Variants in CEP76 observed in about 807,000 individuals in gnomAD.
The protein encoded by CEP76 is centrosomal protein 76, also known as centrosomal protein of 76 kDa.
Under a neutral mutation model 83.3 loss-of-function variants are expected in CEP76, and 55 were observed. The observed-to-expected ratio is 0.66, with a 90% CI of 0.53 to 0.83. The LOEUF (loss-of-function observed/expected upper bound fraction) is 0.83, where lower values mean the gene tolerates loss of function less well. CEP76 is among the 40% of genes least tolerant of loss of function. CEP76 has a pLI of 0.00. For missense variants in CEP76, 694 were observed against 799.5 expected (o/e 0.87, Z 1.59); for synonymous variants, 270 against 274.5 (o/e 0.98, Z 0.16).
At chr18:12,678,704 C>A (rs1329030890) in intron 9 of CEP76, among the ~76,000 whole-genome samples, 1 of 151,976 alleles carries the variant, frequency 6.6e-6, no homozygotes, top group African/African-American at 2.4e-5. Context: ...TGCGGTAGTC[C>A]CAGCACTTTG....
chr18:12,676,894 G>C (rs1460019615), intron 10 of CEP76, among the ~76,000 whole-genome samples: 1 of 152,140 alleles, frequency 6.6e-6, no homozygotes, highest in Non-Finnish European at 1.5e-5. Context: ...AAAGAACACA[G>C]AAAACAGGGC....
intron 5 of CEP76, 60 bp downstream of exon 5, chr18:12,697,163 T>C (rs1317887008): frequency 1.0e-5 from 12 of 1,200,282 alleles, no homozygotes; most frequent in Non-Finnish European, 1.4e-5. Context: ...AGATATAAAA[T>C]ATATTTACAA....
intron 7 of CEP76, 122 bp downstream of exon 7, chr18:12,691,234 TTTA>T (rs1403925166): frequency 4.9e-6 from 3 of 609,418 alleles, no homozygotes; most frequent in African/African-American, 3.8e-5. Context: ...AAATCAGCAT[TTTA>T]TTTTACAAAT....
At chr18:12,702,455 G>T in intron 1 of CEP76, 31 bp downstream of exon 1, 1 of 1,541,376 alleles carries the variant, frequency 6.5e-7, no homozygotes, top group Non-Finnish European at 8.9e-7. Context: ...GGGTCGGCCC[G>T]GCGGTCTCTC....
chr18:12,683,386 C>T (rs2039421322), intron 8 of CEP76, among the ~76,000 whole-genome samples: 1 of 150,384 alleles, frequency 6.6e-6, no homozygotes, highest in Non-Finnish European at 1.5e-5. Flanking sequence ...ACAACAAAAC[C>T]ACTGAATAAA....
intron 12 of CEP76, among the ~76,000 whole-genome samples, chr18:12,662,760 G>C (rs999203433): frequency 6.6e-5 from 10 of 152,182 alleles, no homozygotes; most frequent in African/African-American, 2.4e-4. Flanking sequence ...CTGGGCGATA[G>C]AGTGAGACCT....
At chr18:12,671,461 A>C (rs2038940264), downstream of CEP76, among the ~76,000 whole-genome samples, 1 of 152,122 alleles carries the variant, frequency 6.6e-6, no homozygotes, top group Non-Finnish European at 1.5e-5. Context: ...AACTTAAAAA[A>C]AATGAAAAGA....
chr18:12,679,511 T>A (rs1334659189), intron 9 of CEP76, among the ~76,000 whole-genome samples: 2 of 152,130 alleles, frequency 1.3e-5, no homozygotes, highest in African/African-American at 4.8e-5. Flanking sequence ...TAAATTCCAT[T>A]TTTCTCCCCC....
At chr18:12,675,546 C>T (rs1157287484) in intron 10 of CEP76, among the ~76,000 whole-genome samples, 1 of 152,114 alleles carries the variant, frequency 6.6e-6, no homozygotes, top group Non-Finnish European at 1.5e-5. Context: ...ATTTACTGAA[C>T]ATGTACTCTA....
intron 6 of CEP76, among the ~76,000 whole-genome samples, chr18:12,694,253 C>T (rs184651529): frequency 1.4e-4 from 22 of 152,276 alleles, no homozygotes; most frequent in African/African-American, 4.8e-4. Flanking sequence ...CAGGGCAGGA[C>T]ATTGTTTGCC....
intron 7 of CEP76, 34 bp from the exon 8 acceptor site, chr18:12,686,484 T>A (rs2039543990): frequency 7.0e-7 from 1 of 1,435,860 alleles, no homozygotes; most frequent in Non-Finnish European, 9.6e-7. Flanking sequence ...TGTAATGACA[T>A]ATTAATCATC....
At position 12,697,313 on chromosome 18, in the gene CEP76, T is replaced by G; in HGVS notation, c.616A>C (p.Thr206Pro). Residue 206 changes from threonine to proline, a missense_variant, in exon 5 of 12, where the codon ACT (threonine) becomes CCT (proline). Coordinates refer to ENST00000262127, the MANE Select transcript of CEP76 (RefSeq NM_024899.4). ...TCCAGAAAATATGATGCTACTAAAG[T>G]CGTCTCACCAAATATGTCTGTTTTG... is the stretch of plus-strand genomic sequence containing the variant. ...LIKTDIFGET[T>P]LVASYFLEWR... 1 of 1,613,990 alleles carries G rather than the reference T, an allele frequency of 6.2e-7. No homozygotes were observed. The highest frequency in any genetic ancestry group is 8.5e-7 in the Non-Finnish European group (1 of 1,179,884).
At chr18:12,685,326 T>G (rs990205493) in intron 8 of CEP76, 1 of 152,110 alleles carries the variant, frequency 6.6e-6, no homozygotes, top group Non-Finnish European at 1.5e-5. Context: ...AAAGATGTAT[T>G]ATCTGAGCAA....
intron 12 of CEP76, among the ~76,000 whole-genome samples, chr18:12,666,436 G>A (rs945702907): frequency 7.9e-6 from 1 of 126,624 alleles, no homozygotes; most frequent in Non-Finnish European, 1.7e-5. Context: ...AAATTTTATG[G>A]TTTTTTTTTT....
At chr18:12,662,195 A>AC in intron 12 of CEP76, 2 of 445,094 alleles carry the variant, frequency 4.5e-6, no homozygotes, top group South Asian at 3.3e-5. Flanking sequence ...AGAAAGGAAA[A>AC]AAAAAAAACA....
At position 12,702,672 on chromosome 18, in the gene CEP76, G is replaced by A; in HGVS notation, c.-124C>T. On this transcript the variant is annotated 5_prime_UTR_variant, in exon 1 of 12. Transcript: ENST00000262127. The stretch of plus-strand genomic sequence containing the variant: ...AAAGCGCCGCAGCCGTTCGCCTAGC[G>A]CAGCTCCCGGGGGACGCAACGCCGC... 9.0e-7 allele frequency: 1 copy of A among 1,113,918 alleles called. No individual in the cohort carries two copies. 69.0% of individuals were successfully genotyped at this position (1,113,918 alleles called of 1,614,324 possible).
chr18:12,700,908 A>G, intron 2 of CEP76, 50 bp downstream of exon 2: 1 of 1,439,006 alleles, frequency 6.9e-7, no homozygotes, highest in East Asian at 2.3e-5. Context: ...AGTGTTACGC[A>G]TTAGTATATA....
chr18:12,664,296 C>A (rs763839381), intron 12 of CEP76, among the ~76,000 whole-genome samples: 3 of 152,190 alleles, frequency 2.0e-5, no homozygotes, highest in Non-Finnish European at 4.4e-5. Flanking sequence ...ATAATCCCAG[C>A]ACTTTGAGAG....
downstream of CEP76, among the ~76,000 whole-genome samples, chr18:12,671,348 T>C (rs2038937116): frequency 6.6e-6 from 1 of 152,142 alleles, no homozygotes; most frequent in Admixed American, 6.6e-5. Context: ...ATAACTTGGA[T>C]AGCCAACTGG....
Sources: gnomAD v4.1 joint callset for allele counts (sites outside exome capture counted in the v4.1 genomes callset) on GRCh38, gnomAD v4.1.1 for gene constraint, MANE v1.5 for transcripts, NCBI Gene and HGNC (gene_info 2026-07-23, HGNC 2026-07-21) for gene names.